ANKIB1: variants seen among roughly 807,000 people sequenced by gnomAD.
The protein encoded by ANKIB1 is ankyrin repeat and IBR domain-containing protein 1.
In ANKIB1, 43 loss-of-function variants were observed where a neutral mutation model predicts 122.1. That is an observed-to-expected ratio of 0.35 (90% CI 0.28 to 0.45). The LOEUF (loss-of-function observed/expected upper bound fraction) is 0.45. ANKIB1 is among the 20% of genes least tolerant of loss of function. The pLI, the probability that ANKIB1 is intolerant of heterozygous loss-of-function variation, is 1.00. For synonymous variants in ANKIB1, 390 were observed against 442.0 expected (o/e 0.88, Z 1.48); for missense variants, 992 against 1,329.5 (o/e 0.75, Z 3.95).
Position 92,400,792 on chromosome 7 carries a change from G to A in ANKIB1, c.*1843G>A, listed in dbSNP as rs1014785632. 6.6e-6 allele frequency: 1 copy of A among 152,054 alleles called. No individual in the cohort carries two copies. The highest frequency in any genetic ancestry group is 2.4e-5 in the African/African-American group (1 of 41,404). The allele number at this position is 152,054 out of a possible 1,614,324, so 9.4% of individuals were successfully genotyped here. A position where few individuals can be genotyped will look rare whatever the true frequency, so the allele number is the denominator to read the frequency against. On this transcript the variant is annotated 3_prime_UTR_variant, in exon 20 of 20. Transcript: ENST00000265742. ...TGATATCAATCCCTATTAAATTAGT[G>A]GGGGGAATATTAACTTTATCTACAG...
intron 9 of ANKIB1, among the ~76,000 whole-genome samples, chr7:92,356,760 T>C (rs1803823077): frequency 2.0e-5 from 3 of 152,212 alleles, no homozygotes; most frequent in Admixed American, 2.0e-4. Context: ...AATTTTAGCT[T>C]ATCCACTCTT....
chr7:92,278,959 A>C (rs1801961016), intron 1 of ANKIB1, among the ~76,000 whole-genome samples: 1 of 152,206 alleles, frequency 6.6e-6, no homozygotes, highest in African/African-American at 2.4e-5. Context: ...CATCCCCTAG[A>C]GCAGTGGTCC....
At chr7:92,291,476 G>A (rs1257986452) in intron 1 of ANKIB1, among the ~76,000 whole-genome samples, 2 of 148,518 alleles carry the variant, frequency 1.3e-5, no homozygotes, top group African/African-American at 2.5e-5. Flanking sequence ...TTTTAAAAAA[G>A]AAAGAGTTAT....
chr7:92,269,071 T>G (rs1030873012), intron 1 of ANKIB1, among the ~76,000 whole-genome samples: 6 of 152,236 alleles, frequency 3.9e-5, no homozygotes, highest in African/African-American at 1.4e-4. Context: ...AGGAAGAACA[T>G]TAGAAATTAT....
At chr7:92,392,421 AT>A (rs1403061988) in intron 17 of ANKIB1, 129 bp downstream of exon 17, 2 of 725,708 alleles carry the variant, frequency 2.8e-6, no homozygotes, top group Non-Finnish European at 4.4e-6. Flanking sequence ...TGTAACAAAA[AT>A]GCCTTGACAG....
In ANKIB1 at chr7:92,386,617, G is replaced by A; in HGVS notation, c.1726G>A (p.Glu576Lys). ...CTATGAAGTCATTCAACACGTGGAG[G>A]AGCAATCCAAGGAAATGACTGTGGA... ...TRYEVIQHVE[E>K]QSKEMTVEAE... is the part of the protein sequence containing the mutation. Residue 576 changes from glutamate to lysine, a missense_variant, in exon 12 of 20, where the codon GAG (glutamate) becomes AAG (lysine). This residue lies in a region of ANKIB1 where 521 missense variants were observed against 777.7 expected (regional missense o/e 0.67). Transcript: ENST00000265742. The A allele has an allele frequency of 6.2e-7, 1 of 1,604,096 alleles. No homozygotes were observed. Among genetic ancestry groups the A allele is most frequent in the East Asian group, 2.3e-5 (1 of 44,304 alleles).
intron 1 of ANKIB1, among the ~76,000 whole-genome samples, chr7:92,284,188 G>C (rs1380002856): frequency 6.6e-6 from 1 of 152,058 alleles, no homozygotes; most frequent in Non-Finnish European, 1.5e-5. Context: ...GAGTTTTTTT[G>C]TTTATAACAA....
intron 6 of ANKIB1, among the ~76,000 whole-genome samples, chr7:92,344,193 GTTTTTTTT>G (rs67933063): frequency 3.1e-5 from 3 of 97,682 alleles, no homozygotes; most frequent in East Asian, 3.7e-4. Flanking sequence ...TGTGTTTTTG[GTTTTTTTT>G]TTTTTTTTTT....
chr7:92,358,927 A>G (rs960428949), intron 9 of ANKIB1, among the ~76,000 whole-genome samples: 4 of 152,172 alleles, frequency 2.6e-5, no homozygotes, highest in East Asian at 1.9e-4. Context: ...ACCATATGGA[A>G]ACACTGTTCC....
In ANKIB1 at chr7:92,362,236, T is replaced by C; in HGVS notation, c.1449T>C (p.Asn483=). 2 of 1,600,092 alleles carry C rather than the reference T, an allele frequency of 1.2e-6. No homozygotes were observed. Among genetic ancestry groups the C allele is most frequent in the South Asian group, 2.3e-5 (2 of 87,948 alleles). The change falls in exon 10 of 20, where the codon AAT becomes AAC. Residue 483 remains asparagine (N), a synonymous_variant. Coordinates refer to ENST00000265742, the MANE Select transcript of ANKIB1 (RefSeq NM_019004.2). The part of the protein sequence containing the change: ...HEPCDCQTWK[N]WLQKITEMKP... ...CTTGTGACTGCCAAACATGGAAGAA[T>C]TGGCTGCAAAAAATAACCGAAATGA...
chr7:92,309,944 TA>T (rs1802655898), intron 3 of ANKIB1, among the ~76,000 whole-genome samples: 1 of 116,694 alleles, frequency 8.6e-6, no homozygotes, highest in South Asian at 2.8e-4. Context: ...AAAAAAAAAA[TA>T]TATATATATA....
intron 5 of ANKIB1, among the ~76,000 whole-genome samples, chr7:92,333,156 CA>C (rs1284636096): frequency 6.6e-6 from 1 of 152,196 alleles, no homozygotes. Context: ...AGAAGAAAGT[CA>C]GAATAATCTT....
At chr7:92,289,624 C>G (rs112972249) in intron 1 of ANKIB1, among the ~76,000 whole-genome samples, 1 of 152,172 alleles carries the variant, frequency 6.6e-6, no homozygotes, top group Non-Finnish European at 1.5e-5. Context: ...ACTCTGGCCT[C>G]GTTCCCCTTA....
At chr7:92,249,021 G>A (rs974796342) in intron 1 of ANKIB1, among the ~76,000 whole-genome samples, 6 of 151,422 alleles carry the variant, frequency 4.0e-5, no homozygotes, top group Non-Finnish European at 4.4e-5. Flanking sequence ...CCAAGTAGCT[G>A]GGACTACAGG....
At chr7:92,338,577 GT>G (rs1327991131) in intron 5 of ANKIB1, among the ~76,000 whole-genome samples, 1 of 151,796 alleles carries the variant, frequency 6.6e-6, no homozygotes, top group Non-Finnish European at 1.5e-5. Flanking sequence ...ATAAGGTTAG[GT>G]TTTGGCATTT....
intron 17 of ANKIB1, among the ~76,000 whole-genome samples, chr7:92,393,228 T>G (rs1487444828): frequency 6.6e-6 from 1 of 152,060 alleles, no homozygotes; most frequent in East Asian, 1.9e-4. Context: ...TGAAGATACT[T>G]GCAATCACCT....
At chr7:92,367,554 A>G (rs934643125) in intron 10 of ANKIB1, among the ~76,000 whole-genome samples, 5 of 152,324 alleles carry the variant, frequency 3.3e-5, no homozygotes, top group Non-Finnish European at 7.4e-5. Flanking sequence ...TTGTGTTTTC[A>G]TGAAATAATT....
intron 5 of ANKIB1, among the ~76,000 whole-genome samples, chr7:92,338,955 T>A (rs1278126040): frequency 8.5e-5 from 9 of 106,344 alleles, no homozygotes; most frequent in African/African-American, 1.6e-4. Context: ...TATATATATA[T>A]ATATATATAT....
chr7:92,337,610 T>C (rs1351531848), intron 5 of ANKIB1, among the ~76,000 whole-genome samples: 1 of 152,182 alleles, frequency 6.6e-6, no homozygotes, highest in Non-Finnish European at 1.5e-5. Flanking sequence ...TATTTTGACA[T>C]TATAATACAG....
Sources: gnomAD v4.1 joint callset for allele counts (sites outside exome capture counted in the v4.1 genomes callset) on GRCh38, gnomAD v4.1.1 for gene constraint, gnomAD v4.1.1 regional missense constraint, MANE v1.5 for transcripts, NCBI Gene and HGNC (gene_info 2026-07-23, HGNC 2026-07-21) for gene names.